The following UVRAG variants were observed in gnomAD, a reference collection of about 807,000 sequenced individuals.
UVRAG encodes the protein UV radiation resistance associated.
In UVRAG, 19 loss-of-function variants were observed where a neutral mutation model predicts 78.0. The observed-to-expected ratio is 0.24, with a 90% CI of 0.17 to 0.36. The LOEUF (loss-of-function observed/expected upper bound fraction) is 0.36, where lower values mean the gene tolerates loss of function less well. Ranked by LOEUF, UVRAG falls within the 10% of genes least tolerant of loss-of-function variation. The pLI is 1.00. For synonymous variants in UVRAG, 323 were observed against 324.6 expected, an observed-to-expected ratio of 1.00 and a Z score of 0.05; for missense variants, 740 against 853.8, an observed-to-expected ratio of 0.87 and a Z score of 1.66.
intron 13 of UVRAG, among the ~76,000 whole-genome samples, chr11:76,079,179 G>A (rs1951454526): frequency 6.6e-6 from 1 of 152,258 alleles, no homozygotes; most frequent in East Asian, 1.9e-4. Context: ...GCGACAGCAT[G>A]ATCAAAAAGG....
intron 2 of UVRAG, among the ~76,000 whole-genome samples, chr11:75,861,454 G>A (rs953567205): frequency 1.5e-4 from 23 of 152,196 alleles, no homozygotes; most frequent in Non-Finnish European, 2.9e-4. Context: ...GAAGGTTGGA[G>A]CTTTTAAGGG....
chr11:76,101,148 T>C (rs1323991082), intron 13 of UVRAG, among the ~76,000 whole-genome samples: 1 of 152,210 alleles, frequency 6.6e-6, no homozygotes, highest in African/African-American at 2.4e-5. Context: ...CTGGGTCGAA[T>C]GGTACTTTTG....
In UVRAG at chr11:76,065,907, A is replaced by G. The variant is rs1467677515; in HGVS notation, c.1305+119A>G. 1.3e-5 allele frequency: 11 copies of G among 824,790 alleles called. No homozygotes were observed. The African/African-American group carries it at 1.4e-4, about 10-fold the overall frequency. The allele number at this position is 824,790 out of a possible 1,614,324, so 51.1% of individuals were successfully genotyped here. On this transcript the variant is annotated intron_variant, in intron 13 of 14. Coordinates refer to ENST00000356136, the MANE Select transcript of UVRAG (RefSeq NM_003369.4). The stretch of plus-strand genomic sequence containing the variant: ...TTGACCCTCGCATTTAACCAGTTAC[A>G]TTAGTAATACACAGTTCTTTTTTTT...
At chr11:76,004,452 G>A (rs1339403198) in intron 9 of UVRAG, among the ~76,000 whole-genome samples, 1 of 150,824 alleles carries the variant, frequency 6.6e-6, no homozygotes, top group South Asian at 2.1e-4. Context: ...CTTCTTGTTA[G>A]CTCATTTGGA....
chr11:76,077,065 T>G (rs1298630706), intron 13 of UVRAG, among the ~76,000 whole-genome samples: 1 of 149,468 alleles, frequency 6.7e-6, no homozygotes, highest in African/African-American at 2.4e-5. Flanking sequence ...AATGAGTCAG[T>G]CAGAGATTGT....
In UVRAG at chr11:75,815,384, C is replaced by G. The variant is rs1590886527; in HGVS notation, c.-24C>G. The G allele has an allele frequency of 3.3e-6, 4 of 1,200,722 alleles. No homozygotes were observed. The highest frequency in any genetic ancestry group is 4.2e-5 in the Admixed American group (1 of 23,640). 74.4% of individuals were successfully genotyped at this position (1,200,722 alleles called of 1,614,324 possible). On this transcript the variant is annotated 5_prime_UTR_variant, in exon 1 of 15. Transcript: ENST00000356136. ...GGATGCCGGAAGAGTGCCCGCCCCGCCGCTTGGCGGCCCCTGGATCGAGAT... is the reference window on the plus strand; with the variant it reads ...GGATGCCGGAAGAGTGCCCGCCCCGGCGCTTGGCGGCCCCTGGATCGAGAT...
At chr11:76,009,186 G>A (rs536507095) in intron 11 of UVRAG, among the ~76,000 whole-genome samples, 1 of 152,246 alleles carries the variant, frequency 6.6e-6, no homozygotes, top group African/African-American at 2.4e-5. Flanking sequence ...AAAAATTTGT[G>A]TATGGTTGGG....
At position 76,143,424 on chromosome 11, in the gene UVRAG, C is replaced by T. The variant is rs1417344146; in HGVS notation, c.*2011C>T. On this transcript the variant is annotated 3_prime_UTR_variant, in exon 15 of 15. Transcript: ENST00000356136. Reference sequence around the variant, plus strand: ...GAGAGCCTGGACTCTGGGGTCTACCCGTCAGTGCCCCCCACCGCTGTGCAG... The same window carrying T: ...GAGAGCCTGGACTCTGGGGTCTACCTGTCAGTGCCCCCCACCGCTGTGCAG... Among the ~76,000 whole-genome samples, 1 of 152,186 alleles carries T rather than the reference C, an allele frequency of 6.6e-6. No individual in the cohort carries two copies. Among genetic ancestry groups the T allele is most frequent in the Non-Finnish European group, 1.5e-5 (1 of 68,036 alleles).
chr11:75,921,998 T>C (rs1565380965), intron 6 of UVRAG, among the ~76,000 whole-genome samples: 1 of 152,162 alleles, frequency 6.6e-6, no homozygotes, highest in Non-Finnish European at 1.5e-5. Context: ...TTGCTACTCT[T>C]CTTTTTGATA....
intron 1 of UVRAG, among the ~76,000 whole-genome samples, chr11:75,830,460 A>T (rs1945630332): frequency 6.6e-6 from 1 of 151,636 alleles, no homozygotes; most frequent in African/African-American, 2.4e-5. Context: ...TTTAGTAGAG[A>T]CTGGGTTTTA....
intron 9 of UVRAG, among the ~76,000 whole-genome samples, chr11:76,005,677 C>T (rs371370177): frequency 6.6e-6 from 1 of 152,276 alleles, no homozygotes; most frequent in Admixed American, 6.5e-5. Context: ...TGCCTCACCA[C>T]ATCAGGTGCC....
chr11:75,837,809 T>C (rs7947418), intron 1 of UVRAG, among the ~76,000 whole-genome samples: 27,409 of 152,204 alleles, frequency 0.18, 3,599 homozygotes, highest in African/African-American at 0.37. Context: ...TATATTCCAT[T>C]CTAAGAAACC....
At chr11:75,881,994 G>A (rs1946955996) in intron 4 of UVRAG, among the ~76,000 whole-genome samples, 1 of 152,076 alleles carries the variant, frequency 6.6e-6, no homozygotes, top group Non-Finnish European at 1.5e-5. Context: ...TACTGCACTG[G>A]TATATACATG....
In UVRAG at chr11:75,824,894, C is replaced by T. The variant is rs193202101; in HGVS notation, c.117+9370C>T. Among the ~76,000 whole-genome samples, 928 of 151,984 alleles carry T rather than the reference C, an allele frequency of 6.1e-3. 13 individuals are homozygous for T. The highest frequency in any genetic ancestry group is 0.021 in the African/African-American group (883 of 41,446). ...TTCACCGTGTTAGCCAGGATGGTCT[C>T]GATCTCCTGACTTCATGATACGCCT... is the stretch of plus-strand genomic sequence containing the variant. On this transcript the variant is annotated intron_variant, in intron 1 of 14. Transcript: ENST00000356136.
At chr11:75,876,748 A>G (rs1946790534) in intron 3 of UVRAG, among the ~76,000 whole-genome samples, 2 of 151,422 alleles carry the variant, frequency 1.3e-5, no homozygotes, top group Admixed American at 1.3e-4. Flanking sequence ...CCTTATCTGA[A>G]GACCCTTTGA....
At chr11:76,054,509 G>A (rs1337883372) in intron 12 of UVRAG, among the ~76,000 whole-genome samples, 1 of 152,184 alleles carries the variant, frequency 6.6e-6, no homozygotes, top group Non-Finnish European at 1.5e-5. Context: ...CCTGCATGAT[G>A]TAAACCGATT....
chr11:75,977,029 C>T (rs1949258818), intron 7 of UVRAG, among the ~76,000 whole-genome samples: 1 of 152,232 alleles, frequency 6.6e-6, no homozygotes, highest in Non-Finnish European at 1.5e-5. Context: ...CCCCTCTAAA[C>T]AGTGCTTTAA....
intron 12 of UVRAG, among the ~76,000 whole-genome samples, chr11:76,022,875 TA>T (rs1232306956): frequency 1.3e-5 from 2 of 152,206 alleles, no homozygotes; most frequent in Admixed American, 1.3e-4. Flanking sequence ...GCTTAGTTGA[TA>T]TTTTTTGAGG....
intron 9 of UVRAG, among the ~76,000 whole-genome samples, chr11:76,006,075 C>T (rs186763785): frequency 3.3e-5 from 5 of 152,254 alleles, no homozygotes; most frequent in Admixed American, 1.3e-4. Context: ...CCAGTTCCAT[C>T]CTGAGGCTGT....
Sources: gnomAD v4.1 joint callset for allele counts (sites outside exome capture counted in the v4.1 genomes callset) on GRCh38, gnomAD v4.1.1 for gene constraint, MANE v1.5 for transcripts, NCBI Gene and HGNC (gene_info 2026-07-23, HGNC 2026-07-21) for gene names.